MIGA1: variants seen among roughly 807,000 people sequenced by gnomAD.
The protein encoded by MIGA1 is mitoguardin 1.
In MIGA1, 58 loss-of-function variants were observed where a neutral mutation model predicts 82.0. The ratio of observed to expected loss-of-function variants is 0.71; its 90% CI spans 0.57 to 0.88. The LOEUF (loss-of-function observed/expected upper bound fraction) is 0.88, where lower values mean the gene tolerates loss of function less well. MIGA1 is among the 40% of genes least tolerant of loss of function. The probability of loss-of-function intolerance (pLI) is 0.00; values close to 1 mark genes in which losing one functional copy is unlikely to be tolerated. For synonymous variants in MIGA1, 249 were observed against 253.6 expected, an observed-to-expected ratio of 0.98 and a Z score of 0.17; for missense variants, 751 against 749.1, an observed-to-expected ratio of 1.00 and a Z score of -0.03.
chr1:77,786,446 A>C (rs1682164559), intron 2 of MIGA1, among the ~76,000 whole-genome samples: 1 of 152,180 alleles, frequency 6.6e-6, no homozygotes, highest in African/African-American at 2.4e-5. Context: ...TTTCTATGGC[A>C]TTGTCAGGTT....
intron 5 of MIGA1, among the ~76,000 whole-genome samples, chr1:77,807,711 A>C (rs1471769283): frequency 6.6e-6 from 1 of 152,084 alleles, no homozygotes; most frequent in Non-Finnish European, 1.5e-5. Flanking sequence ...GGCCTCTTCC[A>C]GCTTTTGGTG....
intron 3 of MIGA1, among the ~76,000 whole-genome samples, chr1:77,802,209 A>T (rs1455908533): frequency 6.6e-6 from 1 of 152,182 alleles, no homozygotes; most frequent in East Asian, 1.9e-4. Context: ...CATACAATTA[A>T]TGAGTGACTA....
intron 7 of MIGA1, among the ~76,000 whole-genome samples, chr1:77,840,660 A>G (rs1317142217): frequency 1.3e-5 from 2 of 152,132 alleles, no homozygotes; most frequent in African/African-American, 4.8e-5. Context: ...TAAAAATACA[A>G]AATTAGCCGG....
chr1:77,849,220 C>T (rs6667733), intron 8 of MIGA1, among the ~76,000 whole-genome samples: 134,497 of 152,068 alleles, frequency 0.88, 59,636 homozygotes, highest in Middle Eastern at 0.92. Context: ...TGCAAGATAA[C>T]GAGACCTTGT....
chr1:77,865,268 A>T (rs1685619248), intron 13 of MIGA1, among the ~76,000 whole-genome samples: 1 of 151,940 alleles, frequency 6.6e-6, no homozygotes, highest in Admixed American at 6.6e-5. Flanking sequence ...CTCTATTCAC[A>T]AATATTCCAA....
At chr1:77,801,669 A>T (rs1224778311) in intron 3 of MIGA1, among the ~76,000 whole-genome samples, 161 bp downstream of exon 3, 1 of 152,232 alleles carries the variant, frequency 6.6e-6, no homozygotes, top group Admixed American at 6.5e-5. Flanking sequence ...GTAGATAAGC[A>T]AACAAAAAAT....
In MIGA1 at chr1:77,875,307, A is replaced by G. The variant is rs931696591; in HGVS notation, c.*243A>G. ...GGTAATAATTGAAGTCATGAAATGT[A>G]TATTTTACAGAAATATCGCTTGAAT... is the stretch of plus-strand genomic sequence containing the variant. On this transcript the variant is annotated 3_prime_UTR_variant, in exon 16 of 16. Coordinates refer to ENST00000370791, the MANE Select transcript of MIGA1 (RefSeq NM_198549.4). The G allele has an allele frequency of 2.5e-6, 1 of 392,210 alleles. No individual in the cohort carries two copies. The highest frequency in any genetic ancestry group is 4.6e-6 in the Non-Finnish European group (1 of 218,980). 24.3% of individuals were successfully genotyped at this position (392,210 alleles called of 1,614,324 possible).
chr1:77,843,978 A>G (rs1258495722), intron 8 of MIGA1, among the ~76,000 whole-genome samples: 2 of 151,262 alleles, frequency 1.3e-5, no homozygotes, highest in African/African-American at 4.9e-5. Flanking sequence ...TGAGTAGCCT[A>G]TAGTTCTGGT....
At chr1:77,814,391 AT>A (rs531250716) in intron 6 of MIGA1, among the ~76,000 whole-genome samples, 27 of 150,738 alleles carry the variant, frequency 1.8e-4, no homozygotes, top group South Asian at 4.2e-4. Context: ...TTTCTAAAGG[AT>A]TTTTTTTTAA....
At chr1:77,839,610 T>G (rs937456679) in intron 7 of MIGA1, among the ~76,000 whole-genome samples, 1 of 151,934 alleles carries the variant, frequency 6.6e-6, no homozygotes, top group Admixed American at 6.6e-5. Flanking sequence ...GGGGCTCAAG[T>G]GATCCTCCCG....
Position 77,843,405 on chromosome 1 carries a change from G to A in MIGA1, c.994G>A (p.Glu332Lys). 1 of 1,611,874 alleles carries A rather than the reference G, an allele frequency of 6.2e-7. No homozygotes were observed. The highest frequency in any genetic ancestry group is 8.5e-7 in the Non-Finnish European group (1 of 1,177,964). ...CACGGATTCCTTTGCTTCCGCAGCA[G>A]AGGTAGGACATATGTGTTCCTAATG... The change falls in exon 8 of 16, where the codon GAG becomes AAG. Residue 332 changes from glutamate to lysine, a missense_variant and splice_region_variant. Around this residue, in one of 3 missense-constraint regions of MIGA1, gnomAD observed 482 missense variants for 439.4 expected, o/e 1.10. Transcript: ENST00000370791.
rs577676149 is a variant in MIGA1 at position 77,861,427 on chromosome 1, G to T, written c.1374+105G>T. 21 of 750,360 alleles carry T rather than the reference G, an allele frequency of 2.8e-5. No individual in the cohort carries two copies. In the South Asian group the frequency reaches 3.2e-4, roughly 12 times the overall value. The allele number at this position is 750,360 out of a possible 1,614,324, so 46.5% of individuals were successfully genotyped here. On this transcript the variant is annotated intron_variant, in intron 12 of 15. Transcript: ENST00000370791. The stretch of plus-strand genomic sequence containing the variant: ...TTGTCCTTGTTAAATAAAGCCAATT[G>T]TATGGTTGTGGGACATCTTTTTTTC...
At chr1:77,803,126 C>A in intron 3 of MIGA1, 144 bp from the exon 4 acceptor site, 1 of 407,134 alleles carries the variant, frequency 2.5e-6, no homozygotes, top group Non-Finnish European at 4.3e-6. Flanking sequence ...TAATGATGTA[C>A]ATGTAATAAT....
intron 8 of MIGA1, among the ~76,000 whole-genome samples, chr1:77,846,582 C>T (rs1458517751): frequency 2.0e-5 from 3 of 152,134 alleles, no homozygotes; most frequent in East Asian, 1.9e-4. Context: ...AATCCTCCCT[C>T]GTTGGCCTCC....
At chr1:77,820,186 T>C (rs1683748071) in intron 7 of MIGA1, among the ~76,000 whole-genome samples, 1 of 151,740 alleles carries the variant, frequency 6.6e-6, no homozygotes, top group Non-Finnish European at 1.5e-5. Flanking sequence ...TTTCTTCCTT[T>C]CTCAGGCTTT....
rs571968612 is a variant in MIGA1, at chr1:77,785,142, G to A, written c.195+1791G>A. Among the ~76,000 whole-genome samples the A allele has an allele frequency of 1.6e-4, 24 of 152,220 alleles. No individual in the cohort carries two copies. The East Asian group carries it at 4.6e-3, about 29-fold the overall frequency. On this transcript the variant is annotated intron_variant, in intron 2 of 15. Coordinates refer to ENST00000370791, the MANE Select transcript of MIGA1 (RefSeq NM_198549.4). The stretch of plus-strand genomic sequence containing the variant: ...GACTCATTTCAGCATTAACTCAAAA[G>A]TCCACAGTCCAAAGTCTCATCTGAG...
chr1:77,874,707 C>A, intron 15 of MIGA1, 139 bp from the exon 16 acceptor site: 1 of 638,784 alleles, frequency 1.6e-6, no homozygotes, highest in East Asian at 2.7e-5. Context: ...GTGCAAGGTC[C>A]CTTTTCTAAT....
At chr1:77,872,928 A>C (rs1571028951) in intron 14 of MIGA1, 76 bp from the exon 15 acceptor site, 3 of 1,576,726 alleles carry the variant, frequency 1.9e-6, no homozygotes, top group Non-Finnish European at 2.6e-6. Context: ...AATGAATAGC[A>C]ACTTCAGTTT....
intron 12 of MIGA1, 101 bp from the exon 13 acceptor site, chr1:77,863,793 A>T (rs1017854754): frequency 1.1e-5 from 9 of 791,538 alleles, no homozygotes; most frequent in African/African-American, 3.7e-5. Flanking sequence ...TAAGCTGATT[A>T]AAAAAAACCC....
Sources: gnomAD v4.1 joint callset for allele counts (sites outside exome capture counted in the v4.1 genomes callset) on GRCh38, gnomAD v4.1.1 for gene constraint, gnomAD v4.1.1 regional missense constraint, MANE v1.5 for transcripts, NCBI Gene and HGNC (gene_info 2026-07-23, HGNC 2026-07-21) for gene names.